The following GNB4 variants were observed in gnomAD, a reference collection of about 807,000 sequenced individuals.
GNB4 encodes G protein subunit beta 4, also known as guanine nucleotide-binding protein subunit beta-4.
A neutral mutation model predicts 45.2 loss-of-function variants in GNB4; 28 were observed. That is an observed-to-expected ratio of 0.62 (90% confidence interval 0.46 to 0.85). GNB4 has a LOEUF of 0.85. GNB4 is among the 40% of genes least tolerant of loss of function. GNB4 has a pLI of 0.00. For synonymous variants in GNB4, 132 were observed against 143.7 expected (o/e 0.92, Z 0.58); for missense variants, 321 against 425.4 (o/e 0.75, Z 2.16).
chr3:179,500,413 C>T, the GNB4 span, among the ~76,000 whole-genome samples: 3,648 of 152,176 alleles, frequency 0.024, 127 homozygotes, highest in African/African-American at 0.078. Flanking sequence ...CGTTATTTCT[C>T]AGCCCTCCGT....
At chr3:179,471,020 A>T in the GNB4 span, among the ~76,000 whole-genome samples, 1 of 152,146 alleles carries the variant, frequency 6.6e-6, no homozygotes, top group South Asian at 2.1e-4. Flanking sequence ...TCTACCAAAA[A>T]TACATAAAAT....
chr3:179,466,012 T>G, the GNB4 span, among the ~76,000 whole-genome samples: 2 of 147,640 alleles, frequency 1.4e-5, no homozygotes, highest in African/African-American at 5.0e-5. Context: ...TAGTCGTTTT[T>G]TTTTTTTTTT....
At chr3:179,516,988 C>T in the GNB4 span, among the ~76,000 whole-genome samples, 1 of 152,124 alleles carries the variant, frequency 6.6e-6, no homozygotes, top group Non-Finnish European at 1.5e-5. Flanking sequence ...ATTAAAGAGG[C>T]ATTAATGATG....
At chr3:179,474,883 C>T in the GNB4 span, among the ~76,000 whole-genome samples, 1 of 151,480 alleles carries the variant, frequency 6.6e-6, no homozygotes, top group Admixed American at 6.6e-5. Context: ...TCCCAAAGTG[C>T]TGGAATTACA....
At chr3:179,450,544 T>C (rs543774756) in intron 1 of GNB4, among the ~76,000 whole-genome samples, 7 of 152,262 alleles carry the variant, frequency 4.6e-5, no homozygotes, top group Admixed American at 2.6e-4. Context: ...GGGAGAAAGA[T>C]GCATCCTTAT....
At chr3:179,489,012 AAAAAAAAATATATATATAT>A in the GNB4 span, among the ~76,000 whole-genome samples, 1 of 51,958 alleles carries the variant, frequency 1.9e-5, no homozygotes, top group Non-Finnish European at 3.2e-5. Flanking sequence ...AAAAAAAAAA[AAAAAAAAATATATATATAT>A]ATATATATAT....
At chr3:179,490,834 A>G in the GNB4 span, among the ~76,000 whole-genome samples, 1 of 152,176 alleles carries the variant, frequency 6.6e-6, no homozygotes, top group Non-Finnish European at 1.5e-5. Context: ...TCACAGACAC[A>G]CCGAAAAATA....
chr3:179,416,661 TCCAA>T, intron 4 of GNB4, 105 bp from the exon 5 acceptor site: 1 of 613,942 alleles, frequency 1.6e-6, no homozygotes, highest in Non-Finnish European at 2.7e-6. Context: ...ATACAATTTT[TCCAA>T]CTAAAAACTT....
the GNB4 span, among the ~76,000 whole-genome samples, chr3:179,485,308 G>A: frequency 3.3e-5 from 5 of 151,924 alleles, no homozygotes; most frequent in Admixed American, 6.6e-5. Flanking sequence ...CACTGCGCCC[G>A]GCCCATGGCA....
the GNB4 span, among the ~76,000 whole-genome samples, chr3:179,512,404 C>A: frequency 6.6e-6 from 1 of 152,132 alleles, no homozygotes; most frequent in Admixed American, 6.5e-5. Context: ...TTCAAGAATG[C>A]TTCAAATGCT....
the GNB4 span, among the ~76,000 whole-genome samples, chr3:179,489,046 A>ATATAT: frequency 1.0e-3 from 40 of 38,736 alleles, 2 homozygotes; most frequent in African/African-American, 3.9e-3. Context: ...ATATATATAT[A>ATATAT]ATATATATGT....
the GNB4 span, among the ~76,000 whole-genome samples, chr3:179,507,760 G>A: frequency 1.8e-4 from 28 of 152,206 alleles, no homozygotes; most frequent in Non-Finnish European, 1.8e-4. Context: ...AAGCCATCTC[G>A]TGTTTACTTC....
At chr3:179,465,326 G>A in the GNB4 span, 168 of 1,298,554 alleles carry the variant, frequency 1.3e-4, no homozygotes, top group East Asian at 8.6e-4. Context: ...CATTATGGCC[G>A]GGCGCGGTGG....
At chr3:179,410,414 T>TA (rs1449407279) in intron 8 of GNB4, 2 of 152,196 alleles carry the variant, frequency 1.3e-5, no homozygotes, top group African/African-American at 4.8e-5. Flanking sequence ...CACCACAAGC[T>TA]GGGTGGCTTA....
In GNB4 at chr3:179,400,617, C is replaced by T. The variant is rs1187275328; in HGVS notation, c.*596G>A. 2 of 152,178 alleles carry T rather than the reference C, an allele frequency of 1.3e-5. No individual in the cohort carries two copies. Among genetic ancestry groups the T allele is most frequent in the Non-Finnish European group, 1.5e-5 (1 of 68,024 alleles). The allele number at this position is 152,178 out of a possible 1,614,324, so 9.4% of individuals were successfully genotyped here. A position where few individuals can be genotyped will look rare whatever the true frequency, so the allele number is the denominator to read the frequency against. On this transcript the variant is annotated 3_prime_UTR_variant, in exon 10 of 10. Coordinates refer to ENST00000232564, the MANE Select transcript of GNB4 (RefSeq NM_021629.4). The stretch of plus-strand genomic sequence containing the variant: ...GTCCCCTCAAAGGACTGAAAGCAAG[C>T]ACTTTGATTAATAGTATATGGCAAA...
At chr3:179,425,263 C>T (rs1489888545) in intron 2 of GNB4, among the ~76,000 whole-genome samples, 4 of 152,198 alleles carry the variant, frequency 2.6e-5, no homozygotes, top group Admixed American at 1.3e-4. Context: ...TTAGAGAGTG[C>T]TCCCCACGCA....
intron 1 of GNB4, among the ~76,000 whole-genome samples, chr3:179,445,933 A>G (rs1715709783): frequency 1.3e-5 from 2 of 152,234 alleles, no homozygotes; most frequent in South Asian, 4.1e-4. Flanking sequence ...TTAAGCTGTT[A>G]CTGCCATAAA....
chr3:179,523,758 G>T, the GNB4 span, among the ~76,000 whole-genome samples: 2 of 151,982 alleles, frequency 1.3e-5, no homozygotes, highest in Middle Eastern at 3.2e-3. Flanking sequence ...GGAGTAGAGG[G>T]GTCCCATACT....
At chr3:179,503,192 C>A in the GNB4 span, among the ~76,000 whole-genome samples, 10 of 152,226 alleles carry the variant, frequency 6.6e-5, no homozygotes, top group East Asian at 3.9e-4. Flanking sequence ...CCTAAAAAAA[C>A]CCATAAATAT....
Sources: allele counts gnomAD v4.1 joint callset (sites outside exome capture counted in the v4.1 genomes callset), GRCh38; gene constraint gnomAD v4.1.1; transcripts MANE v1.5; gene names NCBI Gene and HGNC (gene_info 2026-07-23, HGNC 2026-07-21).